GRID2: variants seen among roughly 807,000 people sequenced by gnomAD.
The protein encoded by GRID2 is glutamate receptor ionotropic, delta-2.
Under a neutral mutation model 114.8 loss-of-function variants are expected in GRID2, and 33 were observed. The observed-to-expected ratio is 0.29, with a 90% CI of 0.22 to 0.38. The LOEUF is 0.38. Among genes scored for constraint, GRID2 ranks in the 10% least tolerant of loss-of-function variants. The pLI is 1.00. For missense variants in GRID2, 1,184 were observed against 1,257.7 expected (o/e 0.94, Z 0.89); for synonymous variants, 505 against 449.9 (o/e 1.12, Z -1.55).
At chr4:92,961,151 T>C (rs1429938051) in intron 2 of GRID2, among the ~76,000 whole-genome samples, 2 of 151,888 alleles carry the variant, frequency 1.3e-5, no homozygotes, top group Non-Finnish European at 2.9e-5. Flanking sequence ...AGCATACACA[T>C]ATATATGCAT....
intron 3 of GRID2, among the ~76,000 whole-genome samples, chr4:93,108,734 G>T (rs1024368542): frequency 4.6e-5 from 7 of 151,512 alleles, no homozygotes; most frequent in Admixed American, 3.3e-4. Context: ...GGGTTCAAGC[G>T]ATTCTTCTGC....
intron 8 of GRID2, among the ~76,000 whole-genome samples, chr4:93,382,619 C>A (rs1763962999): frequency 6.6e-6 from 1 of 151,710 alleles, no homozygotes; most frequent in Non-Finnish European, 1.5e-5. Flanking sequence ...ATAATTTATT[C>A]ATGTATTATT....
intron 2 of GRID2, among the ~76,000 whole-genome samples, chr4:93,009,087 A>C (rs545322948): frequency 6.6e-6 from 1 of 152,252 alleles, no homozygotes; most frequent in East Asian, 1.9e-4. Flanking sequence ...TTTTGATGGC[A>C]TGAAAACAAA....
intron 4 of GRID2, among the ~76,000 whole-genome samples, chr4:93,129,076 A>T (rs1207170151): frequency 1.3e-5 from 2 of 152,168 alleles, no homozygotes; most frequent in African/African-American, 2.4e-5. Context: ...TTATATTTTT[A>T]AAAAACTATC....
chr4:93,288,284 A>G (rs1207738032), intron 8 of GRID2, among the ~76,000 whole-genome samples: 6 of 152,224 alleles, frequency 3.9e-5, no homozygotes. Context: ...AGAAATATAA[A>G]AAAGTTCCAA....
At chr4:92,692,559 G>C (rs1002049657) in intron 2 of GRID2, among the ~76,000 whole-genome samples, 5 of 151,978 alleles carry the variant, frequency 3.3e-5, no homozygotes, top group African/African-American at 1.2e-4. Context: ...TAAAGCCTTA[G>C]TCAAAATATA....
chr4:93,366,726 C>A (rs1762372559), intron 8 of GRID2, among the ~76,000 whole-genome samples: 1 of 152,052 alleles, frequency 6.6e-6, no homozygotes. Context: ...GTGATGTCTA[C>A]CCCGGACGCC....
At chr4:93,510,408 G>A (rs1357385989) in intron 12 of GRID2, among the ~76,000 whole-genome samples, 3 of 152,070 alleles carry the variant, frequency 2.0e-5, no homozygotes, top group Admixed American at 2.0e-4. Context: ...GTTAAAGGAA[G>A]ATAGGAAAAA....
At chr4:92,568,411 C>G (rs977058646) in intron 1 of GRID2, among the ~76,000 whole-genome samples, 1 of 151,888 alleles carries the variant, frequency 6.6e-6, no homozygotes, top group Admixed American at 6.6e-5. Context: ...TTTTGTCTCC[C>G]CATGGTTTCT....
chr4:92,882,393 T>TA (rs1188947253), intron 2 of GRID2, among the ~76,000 whole-genome samples: 2 of 152,218 alleles, frequency 1.3e-5, no homozygotes, highest in African/African-American at 4.8e-5. Flanking sequence ...TTACAGATCT[T>TA]AGGAAGCAAG....
intron 13 of GRID2, among the ~76,000 whole-genome samples, chr4:93,530,359 A>ATGAGTAATGAG (rs1184349312): frequency 2.0e-5 from 3 of 152,154 alleles, no homozygotes; most frequent in Non-Finnish European, 4.4e-5. Flanking sequence ...TTACTCATTC[A>ATGAGTAATGAG]TTACTTAAAT....
intron 2 of GRID2, among the ~76,000 whole-genome samples, chr4:92,878,664 C>CT (rs573089687): frequency 6.1e-4 from 93 of 152,076 alleles, no homozygotes; most frequent in Non-Finnish European, 1.1e-3. Flanking sequence ...CTGAATCACA[C>CT]TTTTTTCTTT....
At position 92,923,572 on chromosome 4, in the gene GRID2, G is replaced by A. The variant is rs796254992; in HGVS notation, c.245-161423G>A. Among the ~76,000 whole-genome samples the A allele has an allele frequency of 5.3e-5, 8 of 151,730 alleles. 1 individual carries two copies. In the South Asian group the frequency reaches 8.3e-4, roughly 16 times the overall value. Reference sequence around the variant, plus strand: ...TTATTTCTATTCTGCCATTTTCTTTGTTTTATTTTCTGTTATAAAAGCCAA... The same window carrying A: ...TTATTTCTATTCTGCCATTTTCTTTATTTTATTTTCTGTTATAAAAGCCAA... On this transcript the variant is annotated intron_variant, in intron 2 of 15. Coordinates refer to ENST00000282020, the MANE Select transcript of GRID2 (RefSeq NM_001510.4).
intron 8 of GRID2, among the ~76,000 whole-genome samples, chr4:93,350,248 C>T (rs979949553): frequency 1.3e-5 from 2 of 152,090 alleles, no homozygotes; most frequent in African/African-American, 2.4e-5. Context: ...ATGCAACCTT[C>T]GTTAATCTTT....
chr4:92,311,817 T>C (rs1725720235), intron 1 of GRID2, among the ~76,000 whole-genome samples: 2 of 152,068 alleles, frequency 1.3e-5, no homozygotes, highest in Admixed American at 6.6e-5. Context: ...CTGAATTTAC[T>C]CTGTATGAAG....
intron 1 of GRID2, among the ~76,000 whole-genome samples, chr4:92,326,864 A>G (rs1188634190): frequency 6.6e-6 from 1 of 151,972 alleles, no homozygotes; most frequent in Non-Finnish European, 1.5e-5. Flanking sequence ...TGTGTCAAGA[A>G]CAGTTTTCAC....
chr4:92,571,728 C>T (rs1386086493), intron 1 of GRID2, among the ~76,000 whole-genome samples: 1 of 151,994 alleles, frequency 6.6e-6, no homozygotes, highest in Admixed American at 6.6e-5. Context: ...GATTAAGAAA[C>T]TCACTCAAAA....
intron 2 of GRID2, among the ~76,000 whole-genome samples, chr4:92,890,967 C>T (rs546246792): frequency 6.6e-6 from 1 of 152,256 alleles, no homozygotes; most frequent in South Asian, 2.1e-4. Context: ...TTTGCAGGGA[C>T]ATGGATGAAG....
chr4:92,536,208 G>A (rs1725622445), intron 1 of GRID2, among the ~76,000 whole-genome samples: 1 of 150,922 alleles, frequency 6.6e-6, no homozygotes, highest in African/African-American at 2.4e-5. Context: ...GGTCTGTTTT[G>A]ACAGAGTGCT....
Sources: gnomAD v4.1 joint callset for allele counts (sites outside exome capture counted in the v4.1 genomes callset) on GRCh38, gnomAD v4.1.1 for gene constraint, MANE v1.5 for transcripts, NCBI Gene and HGNC (gene_info 2026-07-23, HGNC 2026-07-21) for gene names.